UBE2D1: variants seen among roughly 807,000 people sequenced by gnomAD.
UBE2D1 encodes the protein ubiquitin-conjugating enzyme E2 D1.
UBE2D1 carries 9 observed loss-of-function variants against 24.6 expected under a neutral mutation model. That is an observed-to-expected ratio of 0.37 (90% CI 0.22 to 0.64). The LOEUF (loss-of-function observed/expected upper bound fraction) is 0.64. UBE2D1 is among the 30% of genes least tolerant of loss of function. UBE2D1 has a pLI of 0.64. For synonymous variants in UBE2D1, 57 were observed against 57.6 expected, an observed-to-expected ratio of 0.99 and a Z score of 0.04; for missense variants, 87 against 177.1, an observed-to-expected ratio of 0.49 and a Z score of 2.89.
intron 1 of UBE2D1, among the ~76,000 whole-genome samples, chr10:58,344,505 GT>G (rs924533153): frequency 2.7e-4 from 39 of 144,590 alleles, no homozygotes; most frequent in Admixed American, 4.1e-4. Flanking sequence ...TGTATTTGCT[GT>G]TTTTTTTTTT....
chr10:58,361,310 A>G, intron 1 of UBE2D1, 28 bp from the exon 2 acceptor site: 1 of 1,611,394 alleles, frequency 6.2e-7, no homozygotes, highest in Non-Finnish European at 8.5e-7. Flanking sequence ...AGAAGGAATT[A>G]ACCTTACATA....
intron 5 of UBE2D1, among the ~76,000 whole-genome samples, chr10:58,366,653 A>G (rs1172894957): frequency 6.6e-6 from 1 of 152,184 alleles, no homozygotes; most frequent in Non-Finnish European, 1.5e-5. Context: ...TGTGTTGCCC[A>G]GGCTGGTCTC....
intron 1 of UBE2D1, among the ~76,000 whole-genome samples, chr10:58,359,750 A>T (rs1441317785): frequency 6.6e-6 from 1 of 152,240 alleles, no homozygotes; most frequent in African/African-American, 2.4e-5. Flanking sequence ...GGAACATAAT[A>T]ACACCTATCT....
In UBE2D1 at chr10:58,359,112, C is replaced by T. The variant is rs532871492; in HGVS notation, c.25-2226C>T. ...AGGAGACCTGAGTTTGTACCTGGCT[C>T]AGTCACCCAGCTCATTTATCACTTT... is the stretch of plus-strand genomic sequence containing the variant. On this transcript the variant is annotated intron_variant, in intron 1 of 6. Transcript: ENST00000373910. Among the ~76,000 whole-genome samples the T allele has an allele frequency of 2.6e-5, 4 of 151,866 alleles. No individual in the cohort carries two copies. In the South Asian group the frequency reaches 6.2e-4, roughly 24 times the overall value.
intron 1 of UBE2D1, among the ~76,000 whole-genome samples, chr10:58,351,933 C>T (rs1473308448): frequency 6.6e-6 from 1 of 152,092 alleles, no homozygotes; most frequent in African/African-American, 2.4e-5. Context: ...ACTATATATG[C>T]AATCAGTTGA....
intron 5 of UBE2D1, among the ~76,000 whole-genome samples, chr10:58,365,669 A>G (rs1341956300): frequency 6.6e-6 from 1 of 152,180 alleles, no homozygotes; most frequent in Non-Finnish European, 1.5e-5. Context: ...TTACTGTGCT[A>G]GCACTCTTAA....
chr10:58,338,980 ATGTT>A lies in UBE2D1; in HGVS notation c.24+3758_24+3761del, dbSNP rs566079684. Among the ~76,000 whole-genome samples, 7 of 152,326 alleles carry A rather than the reference ATGTT, an allele frequency of 4.6e-5. No individual in the cohort carries two copies. In the South Asian group the frequency reaches 1.0e-3, roughly 23 times the overall value. On this transcript the variant is annotated intron_variant, in intron 1 of 6. Coordinates refer to ENST00000373910, the MANE Select transcript of UBE2D1 (RefSeq NM_003338.5). ...CATAGATTAAAATCAAATTTGATAAATGTTTGAGCTGCTGAATTTTTTTGATTTG... is the reference window on the plus strand; with the variant it reads ...CATAGATTAAAATCAAATTTGATAAATGAGCTGCTGAATTTTTTTGATTTG...
At chr10:58,340,070 T>C (rs1839946652) in intron 1 of UBE2D1, among the ~76,000 whole-genome samples, 1 of 152,228 alleles carries the variant, frequency 6.6e-6, no homozygotes, top group Non-Finnish European at 1.5e-5. Flanking sequence ...GAAATCTAAA[T>C]ATAGATCAAA....
At chr10:58,348,791 G>T (rs920995664) in intron 1 of UBE2D1, among the ~76,000 whole-genome samples, 1 of 152,154 alleles carries the variant, frequency 6.6e-6, no homozygotes, top group Admixed American at 6.5e-5. Flanking sequence ...CCTCTCTTCA[G>T]ATTGGCCTGT....
intron 1 of UBE2D1, among the ~76,000 whole-genome samples, chr10:58,355,638 A>T (rs1277210142): frequency 6.6e-6 from 1 of 152,184 alleles, no homozygotes; most frequent in East Asian, 1.9e-4. Context: ...CTTGGGAAAG[A>T]AAGTAGGGAA....
chr10:58,339,714 A>G (rs947023576), intron 1 of UBE2D1, among the ~76,000 whole-genome samples: 18 of 151,892 alleles, frequency 1.2e-4, no homozygotes, highest in African/African-American at 4.4e-4. Context: ...GTAAGTGACA[A>G]TGCTACGATT....
In UBE2D1 at chr10:58,352,219, CACATCAAAAG is replaced by C. The variant is rs906546494; in HGVS notation, c.25-9118_25-9109del. 1.4e-4 allele frequency among the ~76,000 whole-genome samples: 21 copies of C among 152,110 alleles called. 1 individual carries two copies. In the South Asian group the frequency reaches 2.3e-3, roughly 17 times the overall value. ...TGCCAAACACCATCACTTTTGCTTCCACATCAAAAGTGGAAGCACTTTTGTTTGCCTGAGA... is the reference window on the plus strand; with the variant it reads ...TGCCAAACACCATCACTTTTGCTTCCTGGAAGCACTTTTGTTTGCCTGAGA... On this transcript the variant is annotated intron_variant, in intron 1 of 6. Coordinates refer to ENST00000373910, the MANE Select transcript of UBE2D1 (RefSeq NM_003338.5).
intron 1 of UBE2D1, among the ~76,000 whole-genome samples, chr10:58,348,971 G>A (rs1014301904): frequency 1.2e-4 from 18 of 152,164 alleles, no homozygotes; most frequent in African/African-American, 4.3e-4. Context: ...AGAACACTCA[G>A]CATATTGTGG....
intron 1 of UBE2D1, among the ~76,000 whole-genome samples, chr10:58,360,603 G>A (rs1277196986): frequency 1.3e-5 from 2 of 152,128 alleles, no homozygotes; most frequent in African/African-American, 4.8e-5. Flanking sequence ...CCTGACTGCT[G>A]CTCGTTTATT....
chr10:58,348,759 C>G (rs1840042486), intron 1 of UBE2D1, among the ~76,000 whole-genome samples: 1 of 152,176 alleles, frequency 6.6e-6, no homozygotes, highest in Non-Finnish European at 1.5e-5. Context: ...TATGGCAGTT[C>G]TCACTTGTTT....
At chr10:58,349,500 C>T (rs1486777205) in intron 1 of UBE2D1, among the ~76,000 whole-genome samples, 1 of 152,176 alleles carries the variant, frequency 6.6e-6, no homozygotes, top group Non-Finnish European at 1.5e-5. Flanking sequence ...TATGTATACT[C>T]ACACAGTGTG....
chr10:58,354,503 G>C (rs987491501), intron 1 of UBE2D1, among the ~76,000 whole-genome samples: 1 of 151,296 alleles, frequency 6.6e-6, no homozygotes, highest in African/African-American at 2.4e-5. Flanking sequence ...CCAAAGAATT[G>C]TTTGTTTCTG....
In UBE2D1 at chr10:58,340,744, A is replaced by G. The variant is rs530922049; in HGVS notation, c.24+5519A>G. The stretch of plus-strand genomic sequence containing the variant: ...GCTACATTTTAATTTTAAATTTCCT[A>G]GTAGCCACGTTTTTAAAACGGGAAG... On this transcript the variant is annotated intron_variant, in intron 1 of 6. Transcript: ENST00000373910. 9.1e-4 allele frequency among the ~76,000 whole-genome samples: 139 copies of G among 152,312 alleles called. 3 individuals are homozygous for G. In the South Asian group the frequency reaches 0.025, roughly 28 times the overall value.
Position 58,368,876 on chromosome 10 carries a change from GA to G in UBE2D1, c.*112del. 1.6e-6 allele frequency: 1 copy of G among 622,632 alleles called. No individual in the cohort carries two copies. Among genetic ancestry groups the G allele is most frequent in the South Asian group, 3.9e-5 (1 of 25,846 alleles). 38.6% of individuals were successfully genotyped at this position (622,632 alleles called of 1,614,324 possible). A position where few individuals can be genotyped will look rare whatever the true frequency, so the allele number is the denominator to read the frequency against. The stretch of plus-strand genomic sequence containing the variant: ...GTTTCATTGTACCATGAAACCATTT[GA>G]TTTTTACCCATTTTAAATGTGTTTC... On this transcript the variant is annotated 3_prime_UTR_variant, in exon 7 of 7. Coordinates refer to ENST00000373910, the MANE Select transcript of UBE2D1 (RefSeq NM_003338.5).
Sources: gnomAD v4.1 joint callset for allele counts (sites outside exome capture counted in the v4.1 genomes callset) on GRCh38, gnomAD v4.1.1 for gene constraint, MANE v1.5 for transcripts, NCBI Gene and HGNC (gene_info 2026-07-23, HGNC 2026-07-21) for gene names.